The following EXOC4 variants were observed in gnomAD, a reference collection of about 807,000 sequenced individuals.
EXOC4 encodes the protein exocyst complex component 4, also known as SEC8-like 1.
Under a neutral mutation model 107.2 loss-of-function variants are expected in EXOC4, and 71 were observed. That is an observed-to-expected ratio of 0.66 (90% CI 0.55 to 0.81). The LOEUF is 0.81. Ranked by LOEUF, EXOC4 falls within the 30% of genes least tolerant of loss-of-function variation. EXOC4 has a pLI of 0.00. For synonymous variants in EXOC4, 456 were observed against 441.2 expected, an observed-to-expected ratio of 1.03 and a Z score of -0.42; for missense variants, 1,108 against 1,189.6, an observed-to-expected ratio of 0.93 and a Z score of 1.01.
At chr7:134,019,720 C>T (rs765794245) in intron 17 of EXOC4, among the ~76,000 whole-genome samples, 2 of 152,142 alleles carry the variant, frequency 1.3e-5, no homozygotes, top group Non-Finnish European at 2.9e-5. Context: ...GTAAGGCTAC[C>T]ATTTTGGTCA....
chr7:134,006,150 C>A (rs1448516155), intron 16 of EXOC4, among the ~76,000 whole-genome samples: 1 of 151,940 alleles, frequency 6.6e-6, no homozygotes, highest in Non-Finnish European at 1.5e-5. Context: ...TCTTCCCAGC[C>A]CCTGCATATC....
intron 10 of EXOC4, among the ~76,000 whole-genome samples, chr7:133,684,958 A>G (rs117991627): frequency 3.0e-4 from 46 of 152,286 alleles, no homozygotes; most frequent in Non-Finnish European, 5.3e-4. Context: ...GAATAGAAAA[A>G]AATCCAATCA....
At chr7:133,654,971 G>T (rs1391284773) in intron 10 of EXOC4, among the ~76,000 whole-genome samples, 1 of 152,116 alleles carries the variant, frequency 6.6e-6, no homozygotes, top group Admixed American at 6.6e-5. Flanking sequence ...CAGCTGTATA[G>T]GTCCTTTACC....
intron 11 of EXOC4, among the ~76,000 whole-genome samples, chr7:133,838,813 GCAAT>G (rs2151246407): frequency 6.6e-6 from 1 of 152,308 alleles, no homozygotes; most frequent in African/African-American, 2.4e-5. Context: ...TAGTATAAGA[GCAAT>G]CATAGATAAT....
Position 133,470,459 on chromosome 7 carries a change from T to A in EXOC4, c.1183-4869T>A, listed in dbSNP as rs1437222822. Among the ~76,000 whole-genome samples, 5 of 152,298 alleles carry A rather than the reference T, an allele frequency of 3.3e-5. No individual in the cohort carries two copies. In the East Asian group the frequency reaches 9.7e-4, roughly 29 times the overall value. On this transcript the variant is annotated intron_variant, in intron 7 of 17. Coordinates refer to ENST00000253861, the MANE Select transcript of EXOC4 (RefSeq NM_021807.4). ...TGCCTAACCAACCTAGTTTATATGT[T>A]CTTTAAAACACTCTGTATCTTTATT...
At chr7:134,000,175 T>C (rs1794499105) in intron 15 of EXOC4, among the ~76,000 whole-genome samples, 1 of 152,158 alleles carries the variant, frequency 6.6e-6, no homozygotes, top group African/African-American at 2.4e-5. Context: ...CTTTGTTCCT[T>C]TTAAAGTAAG....
At chr7:133,419,567 T>A (rs1233530741) in intron 7 of EXOC4, among the ~76,000 whole-genome samples, 3 of 152,090 alleles carry the variant, frequency 2.0e-5, no homozygotes, top group Non-Finnish European at 4.4e-5. Flanking sequence ...AAGTATTTAT[T>A]TGAGTATTGT....
At chr7:133,841,373 T>C (rs2151249272) in intron 11 of EXOC4, among the ~76,000 whole-genome samples, 1 of 152,336 alleles carries the variant, frequency 6.6e-6, no homozygotes, top group East Asian at 1.9e-4. Flanking sequence ...TAGAATCACC[T>C]GGCCACTGAT....
chr7:133,404,085 A>G (rs760438335), intron 7 of EXOC4, among the ~76,000 whole-genome samples: 1 of 151,894 alleles, frequency 6.6e-6, no homozygotes, highest in Non-Finnish European at 1.5e-5. Context: ...CTAAATGACA[A>G]ATCCCTCCTT....
At chr7:133,486,850 C>T (rs1267936307) in intron 9 of EXOC4, among the ~76,000 whole-genome samples, 1 of 151,948 alleles carries the variant, frequency 6.6e-6, no homozygotes, top group Admixed American at 6.6e-5. Flanking sequence ...TACAAATGCT[C>T]ATTTCTTTGT....
At chr7:133,486,603 A>G (rs1799274164) in intron 9 of EXOC4, among the ~76,000 whole-genome samples, 1 of 152,206 alleles carries the variant, frequency 6.6e-6, no homozygotes, top group South Asian at 2.1e-4. Flanking sequence ...ATAACTATGC[A>G]ACAATATGCA....
chr7:133,962,280 G>A (rs2346270), intron 14 of EXOC4, among the ~76,000 whole-genome samples: 106,231 of 152,056 alleles, frequency 0.7, 37,527 homozygotes, highest in East Asian at 0.91. Flanking sequence ...TAAATAGACA[G>A]TGATGCATTT....
At chr7:133,548,926 T>A (rs1800535508) in intron 9 of EXOC4, among the ~76,000 whole-genome samples, 1 of 152,234 alleles carries the variant, frequency 6.6e-6, no homozygotes, top group African/African-American at 2.4e-5. Flanking sequence ...CGTGGCTGTT[T>A]GGTGCAAGAG....
chr7:134,077,833 C>G, the EXOC4 span, among the ~76,000 whole-genome samples: 1 of 152,230 alleles, frequency 6.6e-6, no homozygotes, highest in Admixed American at 6.5e-5. Context: ...CCTACTCAGG[C>G]TCCTCATGAC....
intron 7 of EXOC4, among the ~76,000 whole-genome samples, chr7:133,466,645 A>G (rs1378381777): frequency 1.3e-5 from 2 of 152,216 alleles, no homozygotes; most frequent in Non-Finnish European, 2.9e-5. Context: ...AAACTCTTTC[A>G]GAAAATAGAG....
At chr7:133,381,572 G>A (rs577360617) in intron 7 of EXOC4, among the ~76,000 whole-genome samples, 111 of 152,268 alleles carry the variant, frequency 7.3e-4, no homozygotes, top group African/African-American at 2.5e-3. Flanking sequence ...GAAGAGTTTA[G>A]CATAAATGAA....
At chr7:133,837,604 A>G (rs1392475474) in intron 11 of EXOC4, among the ~76,000 whole-genome samples, 2 of 152,190 alleles carry the variant, frequency 1.3e-5, no homozygotes, top group Non-Finnish European at 2.9e-5. Context: ...GAAGGTAACA[A>G]TCTCTGAGTA....
chr7:134,100,589 G>A, the EXOC4 span, among the ~76,000 whole-genome samples: 10 of 130,416 alleles, frequency 7.7e-5, 3 homozygotes, highest in Non-Finnish European at 1.5e-4. Flanking sequence ...GGTCTGTAAA[G>A]GAGCCATGTA....
At chr7:134,085,829 T>C in the EXOC4 span, among the ~76,000 whole-genome samples, 1 of 152,296 alleles carries the variant, frequency 6.6e-6, no homozygotes, top group African/African-American at 2.4e-5. Flanking sequence ...TGGCAAAATA[T>C]TTAAAAGGAA....
Sources: gnomAD v4.1 joint callset for allele counts (sites outside exome capture counted in the v4.1 genomes callset) on GRCh38, gnomAD v4.1.1 for gene constraint, MANE v1.5 for transcripts, NCBI Gene and HGNC (gene_info 2026-07-23, HGNC 2026-07-21) for gene names.